The following CACNA2D1 variants were observed in gnomAD, a reference collection of about 807,000 sequenced individuals.
CACNA2D1 encodes voltage-dependent calcium channel subunit alpha-2/delta-1.
Under a neutral mutation model 171.5 loss-of-function variants are expected in CACNA2D1, and 53 were observed. The ratio of observed to expected loss-of-function variants is 0.31; its 90% CI spans 0.25 to 0.39. The LOEUF (loss-of-function observed/expected upper bound fraction) is 0.39. Ranked by LOEUF, CACNA2D1 falls within the 10% of genes least tolerant of loss-of-function variation. The probability of loss-of-function intolerance (pLI) is 1.00; values close to 1 mark genes in which losing one functional copy is unlikely to be tolerated. For missense variants in CACNA2D1, 903 were observed against 1,299.8 expected (o/e 0.69, Z 4.69); for synonymous variants, 442 against 443.1 (o/e 1.00, Z 0.03).
chr7:82,262,541 T>C (rs1807265244), intron 3 of CACNA2D1, among the ~76,000 whole-genome samples: 1 of 152,186 alleles, frequency 6.6e-6, no homozygotes, highest in South Asian at 2.1e-4. Context: ...AATTCACTTT[T>C]GTATTTTTCC....
intron 3 of CACNA2D1, among the ~76,000 whole-genome samples, chr7:82,235,966 G>A (rs1262676045): frequency 6.6e-6 from 1 of 151,952 alleles, no homozygotes; most frequent in South Asian, 2.1e-4. Context: ...TGCTCTATAT[G>A]CGGATGACTA....
At position 82,334,996 on chromosome 7, in the gene CACNA2D1, C is replaced by A. The variant is rs558239728; in HGVS notation, c.294+139G>T. The A allele has an allele frequency of 4.8e-6, 3 of 624,846 alleles. No individual in the cohort carries two copies. In the East Asian group the frequency reaches 8.0e-5, roughly 17 times the overall value. 38.7% of individuals were successfully genotyped at this position (624,846 alleles called of 1,614,324 possible). A position where few individuals can be genotyped will look rare whatever the true frequency, so the allele number is the denominator to read the frequency against. On this transcript the variant is annotated intron_variant, in intron 3 of 38. Coordinates refer to ENST00000356860, the MANE Select transcript of CACNA2D1 (RefSeq NM_000722.4). ...GGGGTTTGCATTTAAACCATGATAT[C>A]TCATTTTTTATGAACATATCAGATG...
chr7:82,180,506 G>T (rs1404208247), intron 3 of CACNA2D1, among the ~76,000 whole-genome samples: 1 of 152,038 alleles, frequency 6.6e-6, no homozygotes, highest in African/African-American at 2.4e-5. Flanking sequence ...TTGCAATTAG[G>T]GCAAAATCTC....
chr7:82,288,605 T>G (rs1811144501), intron 3 of CACNA2D1, among the ~76,000 whole-genome samples: 1 of 152,192 alleles, frequency 6.6e-6, no homozygotes, highest in Non-Finnish European at 1.5e-5. Context: ...TAATATTCCA[T>G]ATCTGTAAGG....
chr7:81,978,288 T>A (rs1191961732), intron 24 of CACNA2D1, among the ~76,000 whole-genome samples: 3 of 152,198 alleles, frequency 2.0e-5, no homozygotes, highest in Non-Finnish European at 4.4e-5. Context: ...TGCACATGTA[T>A]GTTTATTGCA....
chr7:82,326,993 G>A (rs182007327), intron 3 of CACNA2D1, among the ~76,000 whole-genome samples: 9 of 152,198 alleles, frequency 5.9e-5, no homozygotes, highest in African/African-American at 9.6e-5. Flanking sequence ...TTCGTATTGC[G>A]CCAAGCCATA....
intron 18 of CACNA2D1, among the ~76,000 whole-genome samples, chr7:82,003,991 C>T (rs868809027): frequency 6.6e-6 from 1 of 152,094 alleles, no homozygotes; most frequent in Non-Finnish European, 1.5e-5. Context: ...GTGATCTGCC[C>T]GCCTGGGCCT....
intron 22 of CACNA2D1, among the ~76,000 whole-genome samples, chr7:81,984,402 G>T (rs1796746505): frequency 6.6e-6 from 1 of 152,170 alleles, no homozygotes; most frequent in Admixed American, 6.5e-5. Flanking sequence ...GCAAGGCAGG[G>T]AAGGGTGGTG....
At chr7:82,429,767 C>T (rs974879778) in intron 1 of CACNA2D1, among the ~76,000 whole-genome samples, 1 of 152,084 alleles carries the variant, frequency 6.6e-6, no homozygotes, top group African/African-American at 2.4e-5. Context: ...GACCTTGACA[C>T]CCATGTATCA....
At chr7:82,200,167 G>T (rs544426941) in intron 3 of CACNA2D1, among the ~76,000 whole-genome samples, 30 of 152,118 alleles carry the variant, frequency 2.0e-4, no homozygotes, top group Non-Finnish European at 3.4e-4. Context: ...GCAAAATATG[G>T]TATAGAAATT....
At chr7:82,064,191 T>C (rs1807317145) in intron 9 of CACNA2D1, 113 bp downstream of exon 9, 1 of 643,920 alleles carries the variant, frequency 1.6e-6, no homozygotes, top group South Asian at 2.1e-5. Context: ...CATCATAATT[T>C]TTCTTTGTTT....
chr7:82,040,811 C>G (rs987426961), intron 10 of CACNA2D1, among the ~76,000 whole-genome samples: 53 of 152,126 alleles, frequency 3.5e-4, no homozygotes, highest in African/African-American at 8.9e-4. Context: ...CCCGTCTCTA[C>G]TAAAAAATAC....
intron 1 of CACNA2D1, among the ~76,000 whole-genome samples, chr7:82,415,838 G>A (rs552581843): frequency 7.1e-6 from 1 of 141,594 alleles, no homozygotes; most frequent in South Asian, 2.3e-4. Flanking sequence ...ATCAGTATGT[G>A]TACACATAGC....
At chr7:82,106,473 C>T (rs944942949) in intron 6 of CACNA2D1, among the ~76,000 whole-genome samples, 4 of 152,108 alleles carry the variant, frequency 2.6e-5, no homozygotes, top group African/African-American at 9.7e-5. Flanking sequence ...TATAGAGGCA[C>T]TGAATTTTGC....
chr7:82,241,452 G>T (rs1424275711), intron 3 of CACNA2D1, among the ~76,000 whole-genome samples: 1 of 152,104 alleles, frequency 6.6e-6, no homozygotes, highest in Non-Finnish European at 1.5e-5. Context: ...CCTGCTTAAG[G>T]TCAGACAGCT....
intron 9 of CACNA2D1, among the ~76,000 whole-genome samples, chr7:82,064,015 A>G (rs1412561667): frequency 2.0e-5 from 3 of 152,002 alleles, no homozygotes; most frequent in Admixed American, 2.0e-4. Context: ...TGAAGCTACC[A>G]TGCCCGAACA....
At chr7:82,246,002 C>A (rs1249246446) in intron 3 of CACNA2D1, among the ~76,000 whole-genome samples, 3 of 151,922 alleles carry the variant, frequency 2.0e-5, no homozygotes, top group Non-Finnish European at 4.4e-5. Flanking sequence ...CATTTGTATT[C>A]TGTCATAATA....
chr7:82,111,428 G>GTGTGTATA (rs1413914216), intron 6 of CACNA2D1, among the ~76,000 whole-genome samples: 2,004 of 50,350 alleles, frequency 0.04, 177 homozygotes, highest in African/African-American at 0.17. Flanking sequence ...ATATATGTGT[G>GTGTGTATA]TATATATATA....
At chr7:82,130,586 T>C (rs559764250) in intron 5 of CACNA2D1, among the ~76,000 whole-genome samples, 3 of 152,098 alleles carry the variant, frequency 2.0e-5, no homozygotes, top group East Asian at 1.9e-4. Context: ...AAGGAAATGA[T>C]TGATATGAGT....
Sources: gnomAD v4.1 joint callset for allele counts (sites outside exome capture counted in the v4.1 genomes callset) on GRCh38, gnomAD v4.1.1 for gene constraint, MANE v1.5 for transcripts, NCBI Gene and HGNC (gene_info 2026-07-23, HGNC 2026-07-21) for gene names.